ADAMTS19: variants seen among roughly 807,000 people sequenced by gnomAD.
The protein encoded by ADAMTS19 is A disintegrin and metalloproteinase with thrombospondin motifs 19.
In ADAMTS19, 93 loss-of-function variants were observed where a neutral mutation model predicts 153.3. The ratio of observed to expected loss-of-function variants is 0.61; its 90% CI spans 0.51 to 0.72. The LOEUF is 0.72. Among genes scored for constraint, ADAMTS19 ranks in the 30% least tolerant of loss-of-function variants. The pLI, the probability that ADAMTS19 is intolerant of heterozygous loss-of-function variation, is 0.00. For missense variants in ADAMTS19, 1,482 were observed against 1,552.1 expected (o/e 0.95, Z 0.76); for synonymous variants, 600 against 556.6 (o/e 1.08, Z -1.10).
chr5:129,667,132 C>T (rs1463808705), intron 16 of ADAMTS19, among the ~76,000 whole-genome samples: 2 of 152,108 alleles, frequency 1.3e-5, no homozygotes, highest in African/African-American at 4.8e-5. Flanking sequence ...GTTACTTGAC[C>T]TGTAAGCAGC....
intron 2 of ADAMTS19, among the ~76,000 whole-genome samples, chr5:129,482,569 CAA>C (rs1363505013): frequency 6.6e-6 from 1 of 152,100 alleles, no homozygotes. Flanking sequence ...CATTTAAAAT[CAA>C]TTATCTAAAT....
intron 2 of ADAMTS19, among the ~76,000 whole-genome samples, chr5:129,468,939 G>C (rs1173172246): frequency 6.6e-6 from 1 of 151,978 alleles, no homozygotes; most frequent in African/African-American, 2.4e-5. Flanking sequence ...ACCACACCCA[G>C]CTAATTTTTG....
At chr5:129,581,336 G>T (rs1749505810) in intron 7 of ADAMTS19, among the ~76,000 whole-genome samples, 1 of 151,946 alleles carries the variant, frequency 6.6e-6, no homozygotes, top group Non-Finnish European at 1.5e-5. Flanking sequence ...TTGGGAGGGT[G>T]TATGTGTCCA....
intron 7 of ADAMTS19, among the ~76,000 whole-genome samples, chr5:129,574,263 A>G (rs1318836150): frequency 1.3e-5 from 2 of 152,116 alleles, no homozygotes; most frequent in African/African-American, 4.8e-5. Flanking sequence ...AATGTCAGAA[A>G]AGACAACTAA....
At chr5:129,600,705 T>C (rs927157166) in intron 8 of ADAMTS19, among the ~76,000 whole-genome samples, 1 of 152,154 alleles carries the variant, frequency 6.6e-6, no homozygotes, top group Non-Finnish European at 1.5e-5. Context: ...CAAAAATGTA[T>C]CGACTTTCTC....
chr5:129,679,897 T>C lies in ADAMTS19; in HGVS notation c.2640T>C (p.Pro880=), dbSNP rs749303960. ...GLWEKISAKG[P]TTAPLHLLVL... ...GGGAGAAGATCTCTGCCAAAGGTCCTACTACAGCACCTTTACATCTTCTGG... is the reference window on the plus strand; with the variant it reads ...GGGAGAAGATCTCTGCCAAAGGTCCCACTACAGCACCTTTACATCTTCTGG... Residue 880 remains proline, a synonymous_variant, in exon 17 of 23, where the codon CCT becomes CCC. Transcript: ENST00000274487. 2 of 1,613,878 alleles carry C rather than the reference T, an allele frequency of 1.2e-6. No homozygotes were observed. The highest frequency in any genetic ancestry group is 2.2e-5 in the South Asian group (2 of 91,026).
At chr5:129,691,591 G>A (rs534956335) in intron 18 of ADAMTS19, among the ~76,000 whole-genome samples, 2 of 152,076 alleles carry the variant, frequency 1.3e-5, no homozygotes, top group South Asian at 2.1e-4. Context: ...GGTGTAATAC[G>A]TCTGTAGCTG....
At chr5:129,559,140 T>G (rs1753412982) in intron 7 of ADAMTS19, among the ~76,000 whole-genome samples, 1 of 152,026 alleles carries the variant, frequency 6.6e-6, no homozygotes, top group African/African-American at 2.4e-5. Flanking sequence ...ACTAAATAAA[T>G]AAGACAATGA....
intron 21 of ADAMTS19, among the ~76,000 whole-genome samples, chr5:129,710,441 A>G (rs1437305370): frequency 6.6e-6 from 1 of 152,200 alleles, no homozygotes; most frequent in Non-Finnish European, 1.5e-5. Context: ...ATATGAGTGC[A>G]TGTATCTTTC....
At chr5:129,607,913 G>A (rs188638939) in intron 8 of ADAMTS19, among the ~76,000 whole-genome samples, 1 of 150,324 alleles carries the variant, frequency 6.7e-6, no homozygotes, top group South Asian at 2.1e-4. Context: ...AAAGATGGAT[G>A]TATAAAGAAA....
At chr5:129,650,614 C>T (rs1020478771) in intron 13 of ADAMTS19, among the ~76,000 whole-genome samples, 1 of 152,152 alleles carries the variant, frequency 6.6e-6, no homozygotes, top group Non-Finnish European at 1.5e-5. Context: ...TTTCCAAGGC[C>T]AGTCCCTCCA....
intron 7 of ADAMTS19, among the ~76,000 whole-genome samples, chr5:129,567,142 G>A (rs951720351): frequency 1.3e-5 from 2 of 152,044 alleles, no homozygotes; most frequent in African/African-American, 4.8e-5. Flanking sequence ...CAATAGCAAT[G>A]CAAAGGCCTT....
intron 6 of ADAMTS19, among the ~76,000 whole-genome samples, chr5:129,549,182 T>G (rs62398977): frequency 1.7e-5 from 2 of 120,920 alleles, no homozygotes; most frequent in East Asian, 2.1e-4. Flanking sequence ...ATAATAATAA[T>G]AAAATAAATA....
chr5:129,531,348 G>A (rs938050214), intron 6 of ADAMTS19, among the ~76,000 whole-genome samples: 2 of 152,134 alleles, frequency 1.3e-5, no homozygotes, highest in Admixed American at 6.6e-5. Flanking sequence ...ATTGAGGCCA[G>A]GTGTGGTGGC....
intron 10 of ADAMTS19, among the ~76,000 whole-genome samples, chr5:129,627,699 A>G (rs1752112147): frequency 6.6e-6 from 1 of 152,148 alleles, no homozygotes; most frequent in Non-Finnish European, 1.5e-5. Flanking sequence ...AAAGGTCAGT[A>G]ACACTGATGA....
At chr5:129,711,405 G>A (rs974346221) in intron 21 of ADAMTS19, among the ~76,000 whole-genome samples, 2 of 152,158 alleles carry the variant, frequency 1.3e-5, no homozygotes. Flanking sequence ...ACTGGGCACG[G>A]TGGCTCACGC....
chr5:129,474,987 T>C (rs1257608000), intron 2 of ADAMTS19, among the ~76,000 whole-genome samples: 1 of 152,184 alleles, frequency 6.6e-6, no homozygotes, highest in Non-Finnish European at 1.5e-5. Flanking sequence ...TGGATATAAA[T>C]ATTTTATCAG....
intron 14 of ADAMTS19, among the ~76,000 whole-genome samples, chr5:129,658,073 T>A (rs1753620866): frequency 6.6e-6 from 1 of 151,986 alleles, no homozygotes; most frequent in African/African-American, 2.4e-5. Flanking sequence ...TTACTTGAGC[T>A]CAGGAGTTCG....
chr5:129,471,798 A>G (rs1750078032), intron 2 of ADAMTS19, among the ~76,000 whole-genome samples: 1 of 152,184 alleles, frequency 6.6e-6, no homozygotes, highest in East Asian at 1.9e-4. Flanking sequence ...AAGTGAGAAC[A>G]TGTGGTTTTT....
Sources: allele counts gnomAD v4.1 joint callset (sites outside exome capture counted in the v4.1 genomes callset), GRCh38; gene constraint gnomAD v4.1.1; transcripts MANE v1.5; gene names NCBI Gene and HGNC (gene_info 2026-07-23, HGNC 2026-07-21).